Variants in DPY19L3 observed in about 807,000 individuals in gnomAD.
DPY19L3 encodes the protein dpy-19 like C-mannosyltransferase 3.
A neutral mutation model predicts 92.3 loss-of-function variants in DPY19L3; 51 were observed. The ratio of observed to expected loss-of-function variants is 0.55; its 90% confidence interval spans 0.44 to 0.70. The LOEUF is 0.70. Among genes scored for constraint, DPY19L3 ranks in the 30% least tolerant of loss-of-function variants. The probability of loss-of-function intolerance (pLI) is 0.00; values close to 1 mark genes in which losing one functional copy is unlikely to be tolerated. For missense variants in DPY19L3, 706 were observed against 855.9 expected (o/e 0.82, Z 2.18); for synonymous variants, 309 against 315.2 (o/e 0.98, Z 0.21).
intron 8 of DPY19L3, among the ~76,000 whole-genome samples, chr19:32,443,233 T>A (rs1969378844): frequency 6.6e-6 from 1 of 152,202 alleles, no homozygotes; most frequent in African/African-American, 2.4e-5. Flanking sequence ...GAAGTACACC[T>A]TCTGCTGACC....
chr19:32,430,482 A>G (rs978319555), intron 3 of DPY19L3, among the ~76,000 whole-genome samples: 18 of 152,190 alleles, frequency 1.2e-4, no homozygotes, highest in Non-Finnish European at 2.2e-4. Flanking sequence ...TTCAATATAT[A>G]AGATTTGCTA....
At chr19:32,419,529 A>T (rs1968493924) in intron 3 of DPY19L3, among the ~76,000 whole-genome samples, 1 of 151,700 alleles carries the variant, frequency 6.6e-6, no homozygotes, top group African/African-American at 2.4e-5. Flanking sequence ...GGTGCAATCA[A>T]GGTCACTGCA....
At chr19:32,438,282 T>G (rs1345047135) in intron 6 of DPY19L3, among the ~76,000 whole-genome samples, 1 of 152,186 alleles carries the variant, frequency 6.6e-6, no homozygotes, top group African/African-American at 2.4e-5. Flanking sequence ...GGGGGTTTAC[T>G]GTATGCCAAG....
chr19:32,419,176 T>G (rs574113754), intron 3 of DPY19L3, among the ~76,000 whole-genome samples: 189 of 151,870 alleles, frequency 1.2e-3, no homozygotes, highest in African/African-American at 3.9e-3. Flanking sequence ...TTTTTTTTTT[T>G]TTGAGACAGA....
At chr19:32,444,060 T>C (rs1447258930) in intron 8 of DPY19L3, among the ~76,000 whole-genome samples, 1 of 150,892 alleles carries the variant, frequency 6.6e-6, no homozygotes, top group Non-Finnish European at 1.5e-5. Flanking sequence ...AAAAAAAAAT[T>C]CTTATATTAA....
intron 1 of DPY19L3, chr19:32,406,275 G>T (rs1039132388): frequency 1.3e-5 from 2 of 152,418 alleles, no homozygotes; most frequent in Non-Finnish European, 2.9e-5. Flanking sequence ...TGATGGGGAC[G>T]CCAGGTGTGC....
At chr19:32,446,644 C>T (rs1271109329) in intron 8 of DPY19L3, among the ~76,000 whole-genome samples, 2 of 152,086 alleles carry the variant, frequency 1.3e-5, no homozygotes, top group South Asian at 2.1e-4. Flanking sequence ...AATGATAAAA[C>T]GTTCAATGTA....
At chr19:32,407,987 C>A (rs1968036444) in intron 1 of DPY19L3, among the ~76,000 whole-genome samples, 1 of 151,876 alleles carries the variant, frequency 6.6e-6, no homozygotes. Context: ...ACTCGGGAGG[C>A]TGAGGTGGAT....
chr19:32,414,427 AC>A (rs1309454590), intron 3 of DPY19L3, among the ~76,000 whole-genome samples: 1 of 148,752 alleles, frequency 6.7e-6, no homozygotes. Flanking sequence ...AAAAAAAAAA[AC>A]AAACAAACAA....
Position 32,441,802 on chromosome 19 carries a change from A to G in DPY19L3, c.855+1892A>G, listed in dbSNP as rs1035461163. The stretch of plus-strand genomic sequence containing the variant: ...TGTGAGCCACTGTGCCCATCTGAAC[A>G]TGTATCTCTTTTAAAATTAGAAAGC... On this transcript the variant is annotated intron_variant, in intron 8 of 18. Coordinates refer to ENST00000392250, the MANE Select transcript of DPY19L3 (RefSeq NM_001172774.2). Among the ~76,000 whole-genome samples, 4 of 152,172 alleles carry G rather than the reference A, an allele frequency of 2.6e-5. No homozygotes were observed. In the South Asian group the frequency reaches 6.2e-4, roughly 24 times the overall value.
At chr19:32,406,757 C>CTG (rs1167059214) in intron 1 of DPY19L3, among the ~76,000 whole-genome samples, 2 of 152,170 alleles carry the variant, frequency 1.3e-5, no homozygotes, top group Middle Eastern at 3.2e-3. Flanking sequence ...GTTCATGGGA[C>CTG]TGTTGCAGTG....
At chr19:32,452,863 T>TA (rs1324652314) in intron 8 of DPY19L3, among the ~76,000 whole-genome samples, 1 of 147,176 alleles carries the variant, frequency 6.8e-6, no homozygotes, top group Admixed American at 6.8e-5. Flanking sequence ...CTAGCTAATT[T>TA]TTTTTTTTTT....
rs981292599 is a variant in DPY19L3, at chr19:32,483,150, A to G, written c.*910A>G. The G allele has an allele frequency of 3.9e-5, 6 of 152,144 alleles. No individual in the cohort carries two copies. The highest frequency in any genetic ancestry group is 7.2e-5 in the African/African-American group (3 of 41,432). 9.4% of individuals were successfully genotyped at this position (152,144 alleles called of 1,614,324 possible). On this transcript the variant is annotated 3_prime_UTR_variant, in exon 19 of 19. Coordinates refer to ENST00000392250, the MANE Select transcript of DPY19L3 (RefSeq NM_001172774.2). ...TATTTTTTACAGCCTAGAATCTTGC[A>G]AAGTCTGAATATTTTTTAAATGTTC...
intron 16 of DPY19L3, among the ~76,000 whole-genome samples, chr19:32,470,264 G>A (rs1299333678): frequency 6.6e-6 from 1 of 152,216 alleles, no homozygotes; most frequent in Non-Finnish European, 1.5e-5. Context: ...TTATGTACAA[G>A]GAAAGAGAGT....
rs2145385013 is a variant in DPY19L3 at position 32,409,034 on chromosome 19, T to C, written c.103+678T>C. Among the ~76,000 whole-genome samples the C allele has an allele frequency of 2.0e-5, 3 of 152,392 alleles. No homozygotes were observed. In the South Asian group the frequency reaches 6.2e-4, roughly 32 times the overall value. ...TTTACATTATTTACAGCCATGTTAA[T>C]TCTTACCAGCCAGGCTAGTAAAGCA... On this transcript the variant is annotated intron_variant, in intron 2 of 18. Coordinates refer to ENST00000392250, the MANE Select transcript of DPY19L3 (RefSeq NM_001172774.2).
At chr19:32,464,267 C>T (rs967517084) in intron 14 of DPY19L3, among the ~76,000 whole-genome samples, 4 of 151,822 alleles carry the variant, frequency 2.6e-5, no homozygotes, top group Non-Finnish European at 5.9e-5. Flanking sequence ...TCCCCTTGTC[C>T]GGAATTATAA....
chr19:32,430,866 A>T (rs561646975), intron 3 of DPY19L3, among the ~76,000 whole-genome samples: 101 of 150,626 alleles, frequency 6.7e-4, no homozygotes, highest in African/African-American at 2.4e-3. Context: ...GAGCTCAAGC[A>T]ATCCACCCAC....
intron 4 of DPY19L3, 28 bp from the exon 5 acceptor site, chr19:32,436,418 T>G: frequency 7.0e-7 from 1 of 1,422,474 alleles, no homozygotes; most frequent in Non-Finnish European, 9.5e-7. Flanking sequence ...TGTAATTATT[T>G]TCTTCCTGAC....
intron 15 of DPY19L3, chr19:32,468,484 T>G (rs932114209): frequency 1.7e-6 from 2 of 1,154,022 alleles, no homozygotes; most frequent in African/African-American, 3.2e-5. Context: ...AAAAGCTCAT[T>G]TTTTAAAGTT....
Sources: allele counts gnomAD v4.1 joint callset (sites outside exome capture counted in the v4.1 genomes callset), GRCh38; gene constraint gnomAD v4.1.1; transcripts MANE v1.5; gene names NCBI Gene and HGNC (gene_info 2026-07-23, HGNC 2026-07-21).